RERE: variants seen among roughly 807,000 people sequenced by gnomAD.
RERE encodes arginine-glutamic acid dipeptide repeats protein.
In RERE, 40 loss-of-function variants were observed where a neutral mutation model predicts 146.1. That is an observed-to-expected ratio of 0.27 (90% confidence interval 0.21 to 0.36). RERE has a LOEUF of 0.36. Among genes scored for constraint, RERE ranks in the 10% least tolerant of loss-of-function variants. The probability of loss-of-function intolerance (pLI) is 1.00; values close to 1 mark genes in which losing one functional copy is unlikely to be tolerated. For missense variants in RERE, 1,933 were observed against 2,138.7 expected (o/e 0.90, Z 1.90); for synonymous variants, 1,003 against 866.0 (o/e 1.16, Z -2.78).
At chr1:8,730,750 G>A (rs1251245284) in intron 1 of RERE, among the ~76,000 whole-genome samples, 1 of 152,194 alleles carries the variant, frequency 6.6e-6, no homozygotes, top group Non-Finnish European at 1.5e-5. Flanking sequence ...AAAGGGCTAA[G>A]ATTACAGGTG....
chr1:8,482,285 G>A (rs1644845104), intron 10 of RERE, among the ~76,000 whole-genome samples: 1 of 152,068 alleles, frequency 6.6e-6, no homozygotes, highest in Admixed American at 6.5e-5. Flanking sequence ...CTCATGTTTA[G>A]GGAAAAGAAG....
intron 12 of RERE, among the ~76,000 whole-genome samples, chr1:8,420,353 C>G (rs984898021): frequency 1.3e-5 from 2 of 152,078 alleles, no homozygotes; most frequent in Non-Finnish European, 2.9e-5. Flanking sequence ...GAGGGATTTG[C>G]TATCAAAAGG....
At chr1:8,568,231 C>T (rs756691939) in intron 4 of RERE, among the ~76,000 whole-genome samples, 8 of 152,208 alleles carry the variant, frequency 5.3e-5, no homozygotes, top group Non-Finnish European at 8.8e-5. Flanking sequence ...GGTCCTCCAG[C>T]CTTTGGACTG....
At chr1:8,355,927 C>A (rs1641271572) in intron 21 of RERE, among the ~76,000 whole-genome samples, 173 bp downstream of exon 21, 1 of 152,152 alleles carries the variant, frequency 6.6e-6, no homozygotes, top group Admixed American at 6.5e-5. Flanking sequence ...CTACCCCAGA[C>A]AGCCCCCAGA....
intron 12 of RERE, among the ~76,000 whole-genome samples, chr1:8,385,968 TAAAAAAA>T (rs34493389): frequency 8.4e-4 from 8 of 9,476 alleles, no homozygotes; most frequent in Admixed American, 2.7e-3. Context: ...GACTCCGTCT[TAAAAAAA>T]AAAAAAAAAA....
rs768356383 is a variant in RERE, at chr1:8,359,701, C to G, written c.3618+63G>C. 7 of 1,552,316 alleles carry G rather than the reference C, an allele frequency of 4.5e-6. No homozygotes were observed. In the Admixed American group the frequency reaches 8.5e-5, roughly 19 times the overall value. ...CCAAGGGCAGAGCTCGGTGGCCCAG[C>G]GTGGCTCCCAGGCGCAGGATGGACC... On this transcript the variant is annotated intron_variant, in intron 19 of 22. Transcript: ENST00000400908.
In RERE at chr1:8,364,909, G is replaced by T; in HGVS notation, c.1448-71C>A. 1.3e-6 allele frequency: 1 copy of T among 757,326 alleles called. No homozygotes were observed. Among genetic ancestry groups the T allele is most frequent in the Non-Finnish European group, 2.2e-6 (1 of 456,706 alleles). The allele number at this position is 757,326 out of a possible 1,614,324, so 46.9% of individuals were successfully genotyped here. A position where few individuals can be genotyped will look rare whatever the true frequency, so the allele number is the denominator to read the frequency against. ...GCTCAGCCAAGGCTGGGCCGGTGGG[G>T]TGGGGGGGAGGGGGGAACACCTGTG... On this transcript the variant is annotated intron_variant, in intron 13 of 22. Transcript: ENST00000400908. The surrounding 1 kb of genome is among the most constrained non-coding windows in gnomAD (Gnocchi z 5.1).
intron 4 of RERE, among the ~76,000 whole-genome samples, chr1:8,565,512 GCCTGGCCAACATGGTGAAAC>G (rs1182245986): frequency 6.6e-6 from 1 of 152,174 alleles, no homozygotes; most frequent in African/African-American, 2.4e-5. Flanking sequence ...TTCATGACCA[GCCTGGCCAACATGGTGAAAC>G]CCTGTCTCTA....
chr1:8,577,864 TG>T (rs1646315570), intron 4 of RERE, among the ~76,000 whole-genome samples: 1 of 152,114 alleles, frequency 6.6e-6, no homozygotes, highest in Non-Finnish European at 1.5e-5. Context: ...GAGGCCGAGA[TG>T]GGCGATCACC....
intron 12 of RERE, among the ~76,000 whole-genome samples, chr1:8,387,625 A>G (rs1642726566): frequency 6.6e-6 from 1 of 152,232 alleles, no homozygotes; most frequent in African/African-American, 2.4e-5. Context: ...TTGAAAAGTA[A>G]GCAAAAGATT....
At chr1:8,494,970 G>GACTTC (rs1645027053) in intron 10 of RERE, 93 bp downstream of exon 10, 2 of 910,420 alleles carry the variant, frequency 2.2e-6, no homozygotes, top group South Asian at 2.7e-5. Flanking sequence ...GTCTACAGGC[G>GACTTC]ACTTCATGCT....
intron 1 of RERE, among the ~76,000 whole-genome samples, chr1:8,787,459 G>A (rs1343603865): frequency 6.6e-6 from 1 of 152,132 alleles, no homozygotes; most frequent in African/African-American, 2.4e-5. Context: ...AATCTGGGCA[G>A]AACAAATGCT....
chr1:8,585,896 C>A (rs538475364), intron 4 of RERE, among the ~76,000 whole-genome samples: 4 of 152,266 alleles, frequency 2.6e-5, no homozygotes, highest in Admixed American at 6.5e-5. Context: ...TAAAATCTTA[C>A]AATTTTGAAA....
chr1:8,361,714 T>C lies in RERE; in HGVS notation c.2016+49A>G, dbSNP rs779784642. On this transcript the variant is annotated intron_variant, in intron 17 of 22. Coordinates refer to ENST00000400908, the MANE Select transcript of RERE (RefSeq NM_001042681.2). ...CTAGGGAGAACCCCGGCTGGGGGCT[T>C]CTGAAGAAGCATTAGCTTTACTCAG... 4 of 1,519,516 alleles carry C rather than the reference T, an allele frequency of 2.6e-6. No individual in the cohort carries two copies. The Admixed American group carries it at 5.1e-5, about 19-fold the overall frequency. The allele number at this position is 1,519,516 out of a possible 1,614,324, so 94.1% of individuals were successfully genotyped here.
intron 2 of RERE, among the ~76,000 whole-genome samples, chr1:8,636,832 G>A (rs1251385715): frequency 6.6e-6 from 1 of 152,090 alleles, no homozygotes; most frequent in Non-Finnish European, 1.5e-5. Context: ...GAGCATGGGA[G>A]AACAAAGAGA....
rs748558506 is a variant in RERE, at chr1:8,359,867, C to T, written c.3515G>A (p.Arg1172His). 5.6e-6 allele frequency: 9 copies of T among 1,612,454 alleles called. No homozygotes were observed. Among genetic ancestry groups the T allele is most frequent in the African/African-American group, 2.7e-5 (2 of 74,938 alleles). The change falls in exon 19 of 23, where the codon CGC becomes CAC. Residue 1172 changes from arginine (R) to histidine (H), a missense_variant. Arg to His is a conservative substitution (Grantham distance 29). Transcript: ENST00000400908. ...CTCTCGGGCTTTCTGCTCAGCCTCG[C>T]GCTTGGCCTTCTCAATGGCCTCCTC... is the stretch of plus-strand genomic sequence containing the variant. ...KREEAIEKAK[R>H]EAEQKAREER...
chr1:8,352,978 C>T lies in RERE; in HGVS notation c.*2109G>A, dbSNP rs1001201003. Reference sequence around the variant, plus strand: ...CTGAATGGTAGATGTTGTGTTCTACCAAAAAGAAAGAAAAACCAGAAGCCG... The same window carrying T: ...CTGAATGGTAGATGTTGTGTTCTACTAAAAAGAAAGAAAAACCAGAAGCCG... On this transcript the variant is annotated 3_prime_UTR_variant, in exon 23 of 23. Transcript: ENST00000400908. 1.3e-5 allele frequency: 2 copies of T among 152,354 alleles called. No homozygotes were observed. The highest frequency in any genetic ancestry group is 2.4e-5 in the African/African-American group (1 of 41,378). 9.4% of individuals were successfully genotyped at this position (152,354 alleles called of 1,614,324 possible).
intron 11 of RERE, among the ~76,000 whole-genome samples, chr1:8,449,642 A>G (rs1226705627): frequency 6.6e-6 from 1 of 152,264 alleles, no homozygotes; most frequent in Non-Finnish European, 1.5e-5. Flanking sequence ...CTGCACTTCC[A>G]TAGCAGAGAT....
At chr1:8,497,210 A>G (rs911928063) in intron 9 of RERE, among the ~76,000 whole-genome samples, 195 bp downstream of exon 9, 3 of 152,202 alleles carry the variant, frequency 2.0e-5, no homozygotes, top group Non-Finnish European at 4.4e-5. Context: ...TTACTTCATC[A>G]TGAAAAAAAT....
Sources: allele counts gnomAD v4.1 joint callset (sites outside exome capture counted in the v4.1 genomes callset), GRCh38; gene constraint gnomAD v4.1.1; non-coding constraint Gnocchi (gnomAD v3.1); transcripts MANE v1.5; gene names NCBI Gene and HGNC (gene_info 2026-07-23, HGNC 2026-07-21).